SRGAP3: variants seen among roughly 807,000 people sequenced by gnomAD.
SRGAP3 encodes the protein SLIT-ROBO Rho GTPase activating protein 3, also known as SLIT-ROBO Rho GTPase-activating protein 3.
SRGAP3 carries 39 observed loss-of-function variants against 121.1 expected under a neutral mutation model. The observed-to-expected ratio is 0.32, with a 90% CI of 0.25 to 0.42. The LOEUF is 0.42. SRGAP3 is among the 10% of genes least tolerant of loss of function. SRGAP3 has a pLI of 1.00. For missense variants in SRGAP3, 1,213 were observed against 1,470.6 expected (o/e 0.82, Z 2.86); for synonymous variants, 601 against 570.0 (o/e 1.05, Z -0.77).
chr3:9,071,752 G>A (rs573118902), intron 4 of SRGAP3, among the ~76,000 whole-genome samples: 1 of 152,194 alleles, frequency 6.6e-6, no homozygotes, highest in Non-Finnish European at 1.5e-5. Context: ...GGTAAAATGG[G>A]GGAGGCATAG....
intron 14 of SRGAP3, 29 bp downstream of exon 14, chr3:9,025,226 TGGCCAC>T (rs1311419855): frequency 6.2e-7 from 1 of 1,611,780 alleles, no homozygotes; most frequent in Admixed American, 1.7e-5. Context: ...TGGCTTCCCC[TGGCCAC>T]AAGCCTAAGA....
chr3:9,228,945 C>T lies in SRGAP3; in HGVS notation c.67+19940G>A, dbSNP rs950086670. Among the ~76,000 whole-genome samples the T allele has an allele frequency of 1.3e-4, 20 of 151,552 alleles. No homozygotes were observed. In the South Asian group the frequency reaches 4.0e-3, roughly 30 times the overall value. On this transcript the variant is annotated intron_variant, in intron 1 of 21. Coordinates refer to ENST00000383836, the MANE Select transcript of SRGAP3 (RefSeq NM_014850.4). ...GGCGCGGTGGCGGGCGCCTGTAGTC[C>T]CAGCTACTCGGGAGGCTGAGGCAGG... is the stretch of plus-strand genomic sequence containing the variant.
At chr3:9,235,446 G>C (rs977632476) in intron 1 of SRGAP3, 3 of 151,714 alleles carry the variant, frequency 2.0e-5, no homozygotes, top group African/African-American at 4.8e-5. Flanking sequence ...AGAGTAGCAT[G>C]GTGGCTGCCA....
chr3:9,084,093 T>C (rs1344165653), intron 3 of SRGAP3, among the ~76,000 whole-genome samples: 2 of 152,224 alleles, frequency 1.3e-5, no homozygotes, highest in African/African-American at 2.4e-5. Flanking sequence ...TATTTGATAC[T>C]TTGTTTAATC....
chr3:9,268,320 CTCTT>C (rs1249255661), intron 3 of SRGAP3, among the ~76,000 whole-genome samples: 6 of 149,210 alleles, frequency 4.0e-5, no homozygotes, highest in East Asian at 3.9e-4. Flanking sequence ...CTCTCTCTCT[CTCTT>C]TCTCTCTCTC....
In SRGAP3 at chr3:8,983,092, T is replaced by A. The variant is rs1196361257; in HGVS notation, c.*2427A>T. The A allele has an allele frequency of 8.8e-6, 2 of 226,758 alleles. No individual in the cohort carries two copies. The highest frequency in any genetic ancestry group is 4.5e-5 in the African/African-American group (2 of 44,894). The allele number at this position is 226,758 out of a possible 1,614,324, so 14.0% of individuals were successfully genotyped here. A position where few individuals can be genotyped will look rare whatever the true frequency, so the allele number is the denominator to read the frequency against. On this transcript the variant is annotated 3_prime_UTR_variant, in exon 22 of 22. Coordinates refer to ENST00000383836, the MANE Select transcript of SRGAP3 (RefSeq NM_014850.4). Reference sequence around the variant, plus strand: ...CTACTGGATTTAGGATCTGGGAGTATCTTGAGGGTAGAAATCAGAAGTCTT... The same window carrying A: ...CTACTGGATTTAGGATCTGGGAGTAACTTGAGGGTAGAAATCAGAAGTCTT...
chr3:9,169,769 A>G (rs1021645253), intron 1 of SRGAP3, among the ~76,000 whole-genome samples: 1 of 152,202 alleles, frequency 6.6e-6, no homozygotes, highest in Non-Finnish European at 1.5e-5. Flanking sequence ...TGCTTGCTAG[A>G]GAATCACTAA....
chr3:9,247,814 G>A (rs1953875460), intron 1 of SRGAP3, among the ~76,000 whole-genome samples: 1 of 152,232 alleles, frequency 6.6e-6, no homozygotes, highest in African/African-American at 2.4e-5. Context: ...GAAAGAAAGC[G>A]GACGCCAAGA....
At chr3:9,357,160 G>C (rs551486251) in intron 1 of SRGAP3, among the ~76,000 whole-genome samples, 2 of 151,908 alleles carry the variant, frequency 1.3e-5, no homozygotes, top group Admixed American at 1.3e-4. Flanking sequence ...TGGGAGAGTC[G>C]CTTGAGCCTG....
At chr3:9,181,902 C>T (rs182318245) in intron 1 of SRGAP3, among the ~76,000 whole-genome samples, 71 of 152,198 alleles carry the variant, frequency 4.7e-4, no homozygotes, top group African/African-American at 1.2e-3. Context: ...GGGCTGGGGA[C>T]GGTGGCTCAC....
chr3:9,068,264 C>G (rs1946522654), intron 4 of SRGAP3, among the ~76,000 whole-genome samples: 1 of 152,200 alleles, frequency 6.6e-6, no homozygotes, highest in Admixed American at 6.5e-5. Flanking sequence ...TGTCCAATCA[C>G]CATGCATCCA....
At chr3:9,060,502 C>T (rs1946102946) in intron 5 of SRGAP3, 143 bp from the exon 6 acceptor site, 7 of 1,152,444 alleles carry the variant, frequency 6.1e-6, no homozygotes, top group Non-Finnish European at 8.5e-6. Context: ...TCATAGCTCA[C>T]TTCAGCCTTA....
chr3:9,064,605 A>G, intron 4 of SRGAP3, 24 bp from the exon 5 acceptor site: 1 of 1,613,516 alleles, frequency 6.2e-7, no homozygotes, highest in Non-Finnish European at 8.5e-7. Context: ...AGTAGGGGAA[A>G]TCAGCAGCCA....
chr3:9,353,465 A>G (rs952599181), intron 1 of SRGAP3, among the ~76,000 whole-genome samples: 2 of 152,260 alleles, frequency 1.3e-5, no homozygotes, highest in Non-Finnish European at 2.9e-5. Flanking sequence ...CAACTTACTT[A>G]TCAACATGAA....
At chr3:9,153,336 T>C (rs146874743) in intron 1 of SRGAP3, among the ~76,000 whole-genome samples, 2 of 152,316 alleles carry the variant, frequency 1.3e-5, no homozygotes, top group Non-Finnish European at 1.5e-5. Context: ...CAAGGATCAT[T>C]TAATCCTCAC....
intron 1 of SRGAP3, among the ~76,000 whole-genome samples, chr3:9,345,133 T>C (rs1161925665): frequency 6.6e-6 from 1 of 152,078 alleles, no homozygotes; most frequent in Non-Finnish European, 1.5e-5. Flanking sequence ...ACCAGTAGAA[T>C]GATCATTTTA....
intron 1 of SRGAP3, among the ~76,000 whole-genome samples, chr3:9,203,465 G>A (rs375841101): frequency 2.0e-5 from 3 of 152,116 alleles, no homozygotes; most frequent in Non-Finnish European, 2.9e-5. Context: ...ACTGAGAACC[G>A]ACCACATGTT....
chr3:9,195,626 T>C (rs933655199), intron 1 of SRGAP3, among the ~76,000 whole-genome samples: 1 of 152,068 alleles, frequency 6.6e-6, no homozygotes, highest in East Asian at 1.9e-4. Flanking sequence ...ATAAACAGCA[T>C]GCACCCAAGG....
At chr3:9,253,203 C>A (rs895134969), upstream of SRGAP3, among the ~76,000 whole-genome samples, 10 of 152,122 alleles carry the variant, frequency 6.6e-5, no homozygotes, top group African/African-American at 2.4e-4. Context: ...GCACTGAAGC[C>A]CAGGTATGGC....
Sources: gnomAD v4.1 joint callset for allele counts (sites outside exome capture counted in the v4.1 genomes callset) on GRCh38, gnomAD v4.1.1 for gene constraint, MANE v1.5 for transcripts, NCBI Gene and HGNC (gene_info 2026-07-23, HGNC 2026-07-21) for gene names.